Variants in KYAT3 observed in about 807,000 individuals in gnomAD.
KYAT3 encodes kynurenine aminotransferase 3, also known as kynurenine--oxoglutarate transaminase 3.
In KYAT3, 50 loss-of-function variants were observed where a neutral mutation model predicts 59.0. That is an observed-to-expected ratio of 0.85 (90% CI 0.68 to 1.07). The LOEUF (loss-of-function observed/expected upper bound fraction) is 1.07, where lower values mean the gene tolerates loss of function less well. KYAT3 is among the 50% of genes least tolerant of loss of function. The pLI is 0.00. For missense variants in KYAT3, 497 were observed against 533.3 expected, an observed-to-expected ratio of 0.93 and a Z score of 0.67; for synonymous variants, 148 against 177.0, an observed-to-expected ratio of 0.84 and a Z score of 1.30.
intron 2 of KYAT3, chr1:88,981,875 C>G: frequency 2.6e-6 from 2 of 776,322 alleles, no homozygotes; most frequent in Non-Finnish European, 3.1e-6. Flanking sequence ...CTATTTTCTC[C>G]TTTGCAATCA....
At position 88,968,685 on chromosome 1, in the gene KYAT3, C is replaced by A; in HGVS notation, c.288G>T (p.Gln96His). ...ATATACTTACAAAGCCTCGTGTATA[C>A]TGATTCAGGCTATCGATTGCTGCAA... ...SKIAAIDSLN[Q>H]YTRGFGHPSL... Residue 96 changes from glutamine to histidine, a missense_variant, in exon 4 of 14, where the codon CAG (glutamine) becomes CAT (histidine). Physicochemically the swap from Gln to His is conservative, Grantham distance 24. Coordinates refer to ENST00000260508, the MANE Select transcript of KYAT3 (RefSeq NM_001008661.3). The A allele has an allele frequency of 6.3e-7, 1 of 1,582,696 alleles. No homozygotes were observed. Among genetic ancestry groups the A allele is most frequent in the Non-Finnish European group, 8.5e-7 (1 of 1,171,294 alleles).
chr1:88,987,175 G>C (rs1289774135), intron 2 of KYAT3, among the ~76,000 whole-genome samples: 2 of 152,214 alleles, frequency 1.3e-5, no homozygotes, highest in Non-Finnish European at 2.9e-5. Context: ...GCATAATGGT[G>C]AGCCCTGGCA....
chr1:88,930,451 C>T, the KYAT3 span, among the ~76,000 whole-genome samples: 1 of 152,124 alleles, frequency 6.6e-6, no homozygotes, highest in Non-Finnish European at 1.5e-5. Context: ...AAACCTGCGC[C>T]GCTCGAGGGG....
rs139228444 is a variant in KYAT3, at chr1:88,948,541, T to C, written c.1141+550A>G. Reference sequence around the variant, plus strand: ...TAGCTGTGTGACTTCAGGGAAGCTATTTAAAACTTTCTAAATCTTTTTACC... The same window carrying C: ...TAGCTGTGTGACTTCAGGGAAGCTACTTAAAACTTTCTAAATCTTTTTACC... On this transcript the variant is annotated intron_variant, in intron 11 of 13. Coordinates refer to ENST00000260508, the MANE Select transcript of KYAT3 (RefSeq NM_001008661.3). Among the ~76,000 whole-genome samples, 1,000 of 152,342 alleles carry C rather than the reference T, an allele frequency of 6.6e-3. 10 individuals carry two copies. The highest frequency in any genetic ancestry group is 0.039 in the South Asian group (187 of 4,834).
At chr1:88,924,896 C>T in the KYAT3 span, among the ~76,000 whole-genome samples, 67 of 152,228 alleles carry the variant, frequency 4.4e-4, no homozygotes, top group South Asian at 1.9e-3. Flanking sequence ...TAACAATCAC[C>T]GCATGGCCCA....
Position 88,943,556 on chromosome 1 carries a change from C to G in KYAT3, c.1142-133G>C, listed in dbSNP as rs28533129. ...GTTTAGAATTTTCTCAGAACATAGT[C>G]ACAGAATATGCTGGAGTCTCACACT... On this transcript the variant is annotated intron_variant, in intron 11 of 13. Transcript: ENST00000260508. The G allele has an allele frequency of 2.8e-3, 1,721 of 625,132 alleles. 21 individuals are homozygous for G. The African/African-American group carries it at 0.03, about 11-fold the overall frequency. The allele number at this position is 625,132 out of a possible 1,614,324, so 38.7% of individuals were successfully genotyped here. A position where few individuals can be genotyped will look rare whatever the true frequency, so the allele number is the denominator to read the frequency against.
At chr1:88,946,512 C>T (rs1285234115) in intron 11 of KYAT3, among the ~76,000 whole-genome samples, 1 of 152,004 alleles carries the variant, frequency 6.6e-6, no homozygotes, top group African/African-American at 2.4e-5. Flanking sequence ...TTATATATTA[C>T]TGCATAGAAA....
At chr1:88,935,741 TAGG>T, downstream of KYAT3, 1 of 354,242 alleles carries the variant, frequency 2.8e-6, no homozygotes, top group Non-Finnish European at 5.0e-6. Flanking sequence ...TGGAACTGGT[TAGG>T]AGTTTTTACA....
intron 2 of KYAT3, chr1:88,980,907 A>G (rs1677053329): frequency 6.6e-6 from 1 of 152,208 alleles, no homozygotes; most frequent in African/African-American, 2.4e-5. Context: ...TAGTCTGCCA[A>G]ATGAGAGTTA....
intron 11 of KYAT3, among the ~76,000 whole-genome samples, chr1:88,948,759 C>G (rs1300469299): frequency 6.6e-6 from 1 of 152,068 alleles, no homozygotes; most frequent in Non-Finnish European, 1.5e-5. Context: ...AAAAAGGAAA[C>G]TACAATTTTA....
chr1:88,964,685 T>C (rs758718033), intron 5 of KYAT3, 144 bp downstream of exon 5: 19 of 690,266 alleles, frequency 2.8e-5, no homozygotes, highest in Non-Finnish European at 3.6e-5. Context: ...CATTTAAGAT[T>C]TGTGAACTTT....
intron 2 of KYAT3, among the ~76,000 whole-genome samples, chr1:88,974,794 A>G (rs1373047020): frequency 2.6e-5 from 4 of 152,036 alleles, no homozygotes; most frequent in Admixed American, 6.6e-5. Context: ...AACGCACCAA[A>G]TCAGCACTCT....
intron 2 of KYAT3, among the ~76,000 whole-genome samples, chr1:88,971,386 A>G (rs1676549966): frequency 6.6e-6 from 1 of 151,894 alleles, no homozygotes; most frequent in African/African-American, 2.4e-5. Flanking sequence ...CAAATAGTCT[A>G]TGTTCTCTCT....
At chr1:88,935,058 A>C (rs1050003619), downstream of KYAT3, among the ~76,000 whole-genome samples, 2 of 149,692 alleles carry the variant, frequency 1.3e-5, no homozygotes, top group Non-Finnish European at 3.0e-5. Flanking sequence ...CAGTGGCACA[A>C]TCTTGGCTCA....
the KYAT3 span, among the ~76,000 whole-genome samples, chr1:88,926,227 A>G: frequency 2.6e-5 from 4 of 152,258 alleles, no homozygotes; most frequent in Admixed American, 6.5e-5. Context: ...AACACCAACC[A>G]CTGATAATTC....
At chr1:88,963,817 G>C (rs1219554228) in intron 5 of KYAT3, among the ~76,000 whole-genome samples, 1 of 152,232 alleles carries the variant, frequency 6.6e-6, no homozygotes, top group East Asian at 1.9e-4. Context: ...ATGCTAATGG[G>C]AAATACGGGT....
chr1:88,953,389 CA>C (rs67571765), intron 9 of KYAT3, among the ~76,000 whole-genome samples: 4,913 of 151,556 alleles, frequency 0.032, 241 homozygotes, highest in African/African-American at 0.11. Context: ...TATAAAAATA[CA>C]AAAAAATTAG....
intron 2 of KYAT3, among the ~76,000 whole-genome samples, chr1:88,974,281 T>A (rs1676673338): frequency 6.6e-6 from 1 of 152,164 alleles, no homozygotes. Flanking sequence ...AAAATATTTT[T>A]AATTGTCTCT....
Position 88,949,163 on chromosome 1 carries a change from G to T in KYAT3, c.1069C>A (p.Leu357Ile). ...EVKRDRMVRL[L>I]ESVGLKPIVP... is the part of the protein sequence containing the mutation. ...ATGGGTTTTAGGCCAACACTTTCAA[G>T]TAAACGTACCATCCGATCTCTTTTT... The change falls in exon 11 of 14, where the codon CTT becomes ATT. Residue 357 changes from leucine (L) to isoleucine (I), a missense_variant. Transcript: ENST00000260508. The T allele has an allele frequency of 6.2e-7, 1 of 1,610,640 alleles. No individual in the cohort carries two copies. Among genetic ancestry groups the T allele is most frequent in the South Asian group, 1.1e-5 (1 of 90,364 alleles).
Sources: allele counts gnomAD v4.1 joint callset (sites outside exome capture counted in the v4.1 genomes callset), GRCh38; gene constraint gnomAD v4.1.1; transcripts MANE v1.5; gene names NCBI Gene and HGNC (gene_info 2026-07-23, HGNC 2026-07-21).